SGCZ: variants seen among roughly 807,000 people sequenced by gnomAD.
SGCZ encodes the protein zeta-sarcoglycan.
SGCZ carries 40 observed loss-of-function variants against 41.3 expected under a neutral mutation model. The observed-to-expected ratio is 0.97, with a 90% CI of 0.75 to 1.26. The LOEUF (loss-of-function observed/expected upper bound fraction) is 1.26, where lower values mean the gene tolerates loss of function less well. Among genes scored for constraint, SGCZ ranks in the 50% most tolerant of loss-of-function variants. The probability of loss-of-function intolerance (pLI) is 0.00; values close to 1 mark genes in which losing one functional copy is unlikely to be tolerated. For synonymous variants in SGCZ, 206 were observed against 137.5 expected (o/e 1.50, Z -3.49); for missense variants, 552 against 369.8 (o/e 1.49, Z -4.04).
At chr8:14,611,935 T>C (rs545079289) in intron 1 of SGCZ, among the ~76,000 whole-genome samples, 1 of 152,314 alleles carries the variant, frequency 6.6e-6, no homozygotes, top group South Asian at 2.1e-4. Context: ...CAGGTAAATA[T>C]GATATGTAAA....
chr8:14,934,924 G>GA (rs201202857), intron 1 of SGCZ, among the ~76,000 whole-genome samples: 10 of 139,744 alleles, frequency 7.2e-5, no homozygotes, highest in East Asian at 4.1e-4. Context: ...TCCCAGTACT[G>GA]AAAAAAAAAT....
chr8:14,408,520 T>A (rs1585468762), intron 2 of SGCZ, among the ~76,000 whole-genome samples: 1 of 152,136 alleles, frequency 6.6e-6, no homozygotes, highest in African/African-American at 2.4e-5. Flanking sequence ...ACTGCACACA[T>A]CTTCTGGTTC....
intron 1 of SGCZ, among the ~76,000 whole-genome samples, chr8:14,680,763 C>T (rs1808416598): frequency 6.7e-6 from 1 of 150,306 alleles, no homozygotes; most frequent in African/African-American, 2.5e-5. Context: ...CAGAAAAAGG[C>T]ATGAGCCTGG....
At chr8:14,449,913 C>T (rs374195208) in intron 2 of SGCZ, among the ~76,000 whole-genome samples, 13 of 152,088 alleles carry the variant, frequency 8.5e-5, no homozygotes, top group Non-Finnish European at 1.6e-4. Context: ...GAGTGAACAA[C>T]ATCATGTACA....
At chr8:14,133,599 G>C (rs73664115) in intron 5 of SGCZ, among the ~76,000 whole-genome samples, 6,262 of 152,220 alleles carry the variant, frequency 0.041, 405 homozygotes, top group African/African-American at 0.14. Context: ...GCCAGGAACA[G>C]GATTGGGTAG....
intron 2 of SGCZ, among the ~76,000 whole-genome samples, chr8:14,523,868 A>AT (rs1802862043): frequency 1.3e-5 from 2 of 151,860 alleles, no homozygotes; most frequent in African/African-American, 4.8e-5. Context: ...AACTTCTGTT[A>AT]TTTTTTCCCT....
chr8:14,347,267 C>T (rs923219448), intron 2 of SGCZ, among the ~76,000 whole-genome samples: 3 of 152,132 alleles, frequency 2.0e-5, no homozygotes, highest in African/African-American at 7.2e-5. Flanking sequence ...AGAATTCCTA[C>T]ACTGAAGAGA....
rs563547525 is a variant in SGCZ at position 14,248,738 on chromosome 8, C to G, written c.337-11059G>C. Among the ~76,000 whole-genome samples the G allele has an allele frequency of 4.8e-5, 4 of 83,814 alleles. No homozygotes were observed. The Admixed American group carries it at 5.1e-4, about 11-fold the overall frequency. 55.0% of individuals were successfully genotyped at this position (83,814 alleles called of 152,430 possible). On this transcript the variant is annotated intron_variant, in intron 3 of 7. Transcript: ENST00000382080. ...TTCATTTATGATAATTACATTTGTA[C>G]TAGTTGAAAAAAAATCTTTTTTTTT...
chr8:15,026,188 G>T (rs1244953988), intron 1 of SGCZ, among the ~76,000 whole-genome samples: 2 of 151,012 alleles, frequency 1.3e-5, no homozygotes, highest in Non-Finnish European at 2.9e-5. Context: ...CATTTCTTTA[G>T]GTTGGCCAAA....
chr8:14,531,959 C>T (rs1214703094), intron 2 of SGCZ, among the ~76,000 whole-genome samples: 14 of 152,040 alleles, frequency 9.2e-5, no homozygotes, highest in Non-Finnish European at 1.8e-4. Flanking sequence ...TAAAATTCTA[C>T]ATATAAAACA....
chr8:14,447,194 T>C lies in SGCZ; in HGVS notation c.234+107538A>G, dbSNP rs146249459. Among the ~76,000 whole-genome samples the C allele has an allele frequency of 4.0e-3, 610 of 152,200 alleles. 9 individuals are homozygous for C. Among genetic ancestry groups the C allele is most frequent in the African/African-American group, 0.014 (571 of 41,538 alleles). The stretch of plus-strand genomic sequence containing the variant: ...TCAACCAGTCTCATGGAACAAAAAC[T>C]GAGATTGAGATATTCTGTTTATTGC... On this transcript the variant is annotated intron_variant, in intron 2 of 7. Transcript: ENST00000382080.
At chr8:14,827,845 AACAC>A (rs142931389) in intron 1 of SGCZ, among the ~76,000 whole-genome samples, 5 of 151,086 alleles carry the variant, frequency 3.3e-5, no homozygotes, top group Admixed American at 2.0e-4. Context: ...CACATTAATA[AACAC>A]ACACACACAC....
At chr8:15,227,676 C>G (rs376981279) in intron 1 of SGCZ, among the ~76,000 whole-genome samples, 16 of 152,204 alleles carry the variant, frequency 1.1e-4, no homozygotes, top group Non-Finnish European at 1.5e-5. Context: ...TACTGTGACA[C>G]TGTTCGTCAA....
chr8:14,883,765 G>C (rs909102396), intron 1 of SGCZ, among the ~76,000 whole-genome samples: 1 of 146,984 alleles, frequency 6.8e-6, no homozygotes, highest in Non-Finnish European at 1.5e-5. Flanking sequence ...TATCTTTGCT[G>C]GCATCCTGTT....
chr8:15,149,759 C>CT lies in SGCZ; in HGVS notation c.39+87825dup, dbSNP rs1175125405. On this transcript the variant is annotated intron_variant, in intron 1 of 7. Transcript: ENST00000382080. ...CCTTCCTGGAGGGTAATTTGACAAT[C>CT]TGTTTAAAAATTTCAAATGCATATT... Among the ~76,000 whole-genome samples the CT allele has an allele frequency of 2.8e-5, 4 of 140,550 alleles. No individual in the cohort carries two copies. In the East Asian group the frequency reaches 8.8e-4, roughly 31 times the overall value. The allele number at this position is 140,550 out of a possible 152,430, so 92.2% of individuals were successfully genotyped here. A position where few individuals can be genotyped will look rare whatever the true frequency, so the allele number is the denominator to read the frequency against.
intron 1 of SGCZ, among the ~76,000 whole-genome samples, chr8:15,060,909 T>A (rs2131010471): frequency 6.6e-6 from 1 of 152,292 alleles, no homozygotes; most frequent in South Asian, 2.1e-4. Context: ...GCTGGATTGC[T>A]TCGATACTCC....
At chr8:15,210,897 A>G (rs1034570516) in intron 1 of SGCZ, among the ~76,000 whole-genome samples, 1 of 151,968 alleles carries the variant, frequency 6.6e-6, no homozygotes, top group Non-Finnish European at 1.5e-5. Context: ...CACATCCAGC[A>G]TTTCAATATC....
At chr8:15,220,756 A>G (rs1042922595) in intron 1 of SGCZ, among the ~76,000 whole-genome samples, 1 of 152,170 alleles carries the variant, frequency 6.6e-6, no homozygotes, top group African/African-American at 2.4e-5. Context: ...AAGATTTGGA[A>G]CCAACCCAAA....
intron 1 of SGCZ, among the ~76,000 whole-genome samples, chr8:14,998,791 C>G (rs1802308642): frequency 1.3e-5 from 2 of 152,142 alleles, no homozygotes; most frequent in African/African-American, 4.8e-5. Context: ...AAACTCAACT[C>G]AGGTCTATAT....
Sources: gnomAD v4.1 joint callset for allele counts (sites outside exome capture counted in the v4.1 genomes callset) on GRCh38, gnomAD v4.1.1 for gene constraint, MANE v1.5 for transcripts, NCBI Gene and HGNC (gene_info 2026-07-23, HGNC 2026-07-21) for gene names.